SLC25A26: variants seen among roughly 807,000 people sequenced by gnomAD.
SLC25A26 encodes solute carrier family 25 member 26, also known as mitochondrial S-adenosylmethionine carrier protein.
SLC25A26 carries 36 observed loss-of-function variants against 37.8 expected under a neutral mutation model. That is an observed-to-expected ratio of 0.95 (90% CI 0.73 to 1.26). The LOEUF (loss-of-function observed/expected upper bound fraction) is 1.26. SLC25A26 is among the 50% of genes most tolerant of loss of function. The probability of loss-of-function intolerance (pLI) is 0.00; values close to 1 mark genes in which losing one functional copy is unlikely to be tolerated. For synonymous variants in SLC25A26, 129 were observed against 122.5 expected, an observed-to-expected ratio of 1.05 and a Z score of -0.35; for missense variants, 390 against 331.1, an observed-to-expected ratio of 1.18 and a Z score of -1.38.
intron 9 of SLC25A26, among the ~76,000 whole-genome samples, chr3:66,375,213 TGAA>T (rs1412259255): frequency 6.6e-6 from 1 of 152,182 alleles, no homozygotes; most frequent in Non-Finnish European, 1.5e-5. Flanking sequence ...CTGCAGGGTT[TGAA>T]GTTAGGAGAG....
chr3:66,173,401 A>G (rs1237134272), intron 1 of SLC25A26, among the ~76,000 whole-genome samples: 1 of 152,166 alleles, frequency 6.6e-6, no homozygotes, highest in Non-Finnish European at 1.5e-5. Flanking sequence ...GCCTCACATA[A>G]GTGGACAAGA....
intron 1 of SLC25A26, among the ~76,000 whole-genome samples, chr3:66,190,464 C>T (rs908510908): frequency 2.0e-5 from 3 of 152,124 alleles, no homozygotes; most frequent in South Asian, 4.2e-4. Flanking sequence ...AGTATCACTC[C>T]GTCACCCAGG....
intron 1 of SLC25A26, among the ~76,000 whole-genome samples, chr3:66,148,734 G>A (rs2070156026): frequency 6.6e-6 from 1 of 152,060 alleles, no homozygotes; most frequent in South Asian, 2.1e-4. Flanking sequence ...GTTCTTTATA[G>A]AATTGATCTT....
intron 1 of SLC25A26, among the ~76,000 whole-genome samples, chr3:66,191,513 A>G (rs2106790557): frequency 6.6e-6 from 1 of 152,342 alleles, no homozygotes; most frequent in South Asian, 2.1e-4. Flanking sequence ...TGTAAGAAGA[A>G]CAACACATAT....
chr3:66,203,970 G>A (rs1277474475), intron 1 of SLC25A26, among the ~76,000 whole-genome samples: 1 of 152,146 alleles, frequency 6.6e-6, no homozygotes, highest in African/African-American at 2.4e-5. Context: ...TAGGCACTCA[G>A]TATTGTATAA....
chr3:66,362,927 C>G lies in SLC25A26; in HGVS notation c.566C>G (p.Ala189Gly). 1 of 1,599,434 alleles carries G rather than the reference C, an allele frequency of 6.3e-7. No individual in the cohort carries two copies. The highest frequency in any genetic ancestry group is 8.5e-7 in the Non-Finnish European group (1 of 1,171,426). The part of the protein sequence containing the change: ...SWQSAVCGAF[A>G]GGFAAAVTTP... ...CAGTCAGCAGTCTGTGGAGCTTTTG[C>G]AGGTGCAAAGGATTATATTATACTG... Residue 189 changes from alanine (A) to glycine (G), a missense_variant and splice_region_variant, in exon 7 of 10, where the codon GCA (alanine) becomes GGA (glycine). Ala to Gly is a moderately conservative substitution (Grantham distance 60). Coordinates refer to ENST00000354883, the MANE Select transcript of SLC25A26 (RefSeq NM_001379210.1).
At chr3:66,165,089 G>A (rs1040885076) in intron 1 of SLC25A26, among the ~76,000 whole-genome samples, 3 of 152,210 alleles carry the variant, frequency 2.0e-5, no homozygotes, top group Admixed American at 2.0e-4. Context: ...CCCCAGTCTT[G>A]AGGATTGCCC....
intron 1 of SLC25A26, among the ~76,000 whole-genome samples, chr3:66,171,883 C>T (rs897745389): frequency 6.6e-6 from 1 of 152,202 alleles, no homozygotes; most frequent in Non-Finnish European, 1.5e-5. Flanking sequence ...ACACAGAAGA[C>T]ATCCCTTCTC....
chr3:66,137,743 A>C (rs1301822717), intron 1 of SLC25A26, among the ~76,000 whole-genome samples: 1 of 152,110 alleles, frequency 6.6e-6, no homozygotes, highest in Non-Finnish European at 1.5e-5. Flanking sequence ...CCCAACTCCT[A>C]ATACAGTTCC....
rs557621433 is a variant in SLC25A26 at position 66,181,620 on chromosome 3, A to T, written c.-353-39122A>T. 3.7e-4 allele frequency among the ~76,000 whole-genome samples: 57 copies of T among 152,166 alleles called. 1 individual carries two copies. The highest frequency in any genetic ancestry group is 7.4e-4 in the Non-Finnish European group (50 of 68,024). On this transcript the variant is annotated intron_variant, in intron 1 of 10. Transcript: ENST00000676754. ...TCTTACACCCACTCAAGGGAGGAAG[A>T]AACCAAAATTCAGAGAGGAAAGGAA...
At chr3:66,331,643 T>A (rs2075976392) in intron 5 of SLC25A26, among the ~76,000 whole-genome samples, 1 of 152,236 alleles carries the variant, frequency 6.6e-6, no homozygotes, top group South Asian at 2.1e-4. Context: ...GCTGGTTTGA[T>A]CAATTTATTT....
intron 1 of SLC25A26, among the ~76,000 whole-genome samples, chr3:66,202,763 A>G (rs1466953558): frequency 1.1e-4 from 17 of 152,196 alleles, no homozygotes; most frequent in African/African-American, 4.1e-4. Flanking sequence ...AAAAAGAGAC[A>G]AAAGAAGGAA....
chr3:66,336,307 C>T (rs1187597040), intron 5 of SLC25A26, among the ~76,000 whole-genome samples: 1 of 152,030 alleles, frequency 6.6e-6, no homozygotes, highest in Non-Finnish European at 1.5e-5. Context: ...ACGCATTGGT[C>T]ATTCATTTTT....
At chr3:66,314,175 G>A (rs898634255) in intron 5 of SLC25A26, among the ~76,000 whole-genome samples, 1 of 152,106 alleles carries the variant, frequency 6.6e-6, no homozygotes, top group African/African-American at 2.4e-5. Flanking sequence ...AGTGGTGAGC[G>A]AGGGCATCCT....
At chr3:66,299,390 G>C (rs190680300) in intron 5 of SLC25A26, among the ~76,000 whole-genome samples, 33 of 152,178 alleles carry the variant, frequency 2.2e-4, no homozygotes, top group Admixed American at 1.4e-3. Context: ...GGGTTTTGCT[G>C]TGTTGGCCAG....
intron 5 of SLC25A26, among the ~76,000 whole-genome samples, chr3:66,277,399 AAGC>A (rs2107413870): frequency 6.6e-6 from 1 of 152,264 alleles, no homozygotes; most frequent in South Asian, 2.1e-4. Flanking sequence ...AAATTCATAG[AAGC>A]AGAGAGTAGA....
In SLC25A26 at chr3:66,326,185, T is replaced by C. The variant is rs568867217; in HGVS notation, c.454-20179T>C. Reference sequence around the variant, plus strand: ...GGCTTTGGGGGTTGGGGCTTCAGCCTATGGGCTAGATTGCCGGACATACAG... The same window carrying C: ...GGCTTTGGGGGTTGGGGCTTCAGCCCATGGGCTAGATTGCCGGACATACAG... On this transcript the variant is annotated intron_variant, in intron 5 of 9. Transcript: ENST00000354883. 4.6e-5 allele frequency among the ~76,000 whole-genome samples: 7 copies of C among 152,260 alleles called. No homozygotes were observed. In the South Asian group the frequency reaches 1.4e-3, roughly 32 times the overall value.
chr3:66,202,044 A>G lies in SLC25A26; in HGVS notation c.-353-18698A>G, dbSNP rs995304063. Reference sequence around the variant, plus strand: ...TACCCAAAGGATTATAAATCATTCTACTATAAAGACACACACATGTATGTT... The same window carrying G: ...TACCCAAAGGATTATAAATCATTCTGCTATAAAGACACACACATGTATGTT... On this transcript the variant is annotated intron_variant, in intron 1 of 10. Coordinates refer to the SLC25A26 transcript ENST00000676754. Among the ~76,000 whole-genome samples the G allele has an allele frequency of 1.3e-3, 196 of 152,324 alleles. 1 individual carries two copies. Among genetic ancestry groups the G allele is most frequent in the Non-Finnish European group, 2.2e-3 (150 of 68,036 alleles).
rs1188619430 is a variant in SLC25A26, at chr3:66,180,365, T to TAGGAG, written c.-353-40375_-353-40371dup. Among the ~76,000 whole-genome samples the TAGGAG allele has an allele frequency of 3.2e-4, 48 of 152,266 alleles. 1 individual carries two copies. The highest frequency in any genetic ancestry group is 1.1e-3 in the African/African-American group (47 of 41,556). ...CAGAAATAATAAGTTTCTAATGGCCTAGGAGAAGCCAATGCAGGGGCAGGG... is the reference window on the plus strand; with the variant it reads ...CAGAAATAATAAGTTTCTAATGGCCTAGGAGAGGAGAAGCCAATGCAGGGGCAGGG... On this transcript the variant is annotated intron_variant, in intron 1 of 10. Coordinates refer to the SLC25A26 transcript ENST00000676754.
Sources: allele counts gnomAD v4.1 joint callset (sites outside exome capture counted in the v4.1 genomes callset), GRCh38; gene constraint gnomAD v4.1.1; transcripts MANE v1.5; gene names NCBI Gene and HGNC (gene_info 2026-07-23, HGNC 2026-07-21).